Variants in EXOSC9 observed in about 807,000 individuals in gnomAD.
EXOSC9 encodes exosome component 9.
A neutral mutation model predicts 56.5 loss-of-function variants in EXOSC9; 38 were observed. That is an observed-to-expected ratio of 0.67 (90% CI 0.52 to 0.88). The LOEUF is 0.88. Among genes scored for constraint, EXOSC9 ranks in the 40% least tolerant of loss-of-function variants. The pLI is 0.00. For missense variants in EXOSC9, 559 were observed against 530.5 expected (o/e 1.05, Z -0.53); for synonymous variants, 170 against 170.8 (o/e 0.99, Z 0.04).
At chr4:121,812,439 T>C (rs1727238891) in intron 8 of EXOSC9, among the ~76,000 whole-genome samples, 1 of 152,232 alleles carries the variant, frequency 6.6e-6, no homozygotes, top group African/African-American at 2.4e-5. Flanking sequence ...GGACTTGTTA[T>C]ATTTTCTGCA....
At position 121,811,567 on chromosome 4, in the gene EXOSC9, TC is replaced by T; in HGVS notation, c.739-15del. On this transcript the variant is annotated splice_polypyrimidine_tract_variant and intron_variant, in intron 7 of 11. Coordinates refer to ENST00000243498, the MANE Select transcript of EXOSC9 (RefSeq NM_005033.3). ...GTTTATTGTCTTTAAACAACAGAAT[TC>T]ACTTTTATAAATAGGTTCTGAGATG... is the stretch of plus-strand genomic sequence containing the variant. The T allele has an allele frequency of 6.8e-7, 1 of 1,465,192 alleles. No individual in the cohort carries two copies. Among genetic ancestry groups the T allele is most frequent in the Non-Finnish European group, 9.3e-7 (1 of 1,072,056 alleles). 90.8% of individuals were successfully genotyped at this position (1,465,192 alleles called of 1,614,324 possible). A position where few individuals can be genotyped will look rare whatever the true frequency, so the allele number is the denominator to read the frequency against.
intron 11 of EXOSC9, 88 bp from the exon 12 acceptor site, chr4:121,816,684 C>A: frequency 7.6e-7 from 1 of 1,322,876 alleles, no homozygotes; most frequent in Admixed American, 3.1e-5. Context: ...CATTTTAGAT[C>A]CTACTGGAAA....
intron 6 of EXOSC9, 111 bp downstream of exon 6, chr4:121,807,733 C>T: frequency 1.4e-6 from 1 of 692,712 alleles, no homozygotes. Flanking sequence ...AATAGTAAAG[C>T]ACCTTGTATT....
At chr4:121,810,650 C>T (rs1172954574) in intron 7 of EXOSC9, among the ~76,000 whole-genome samples, 1 of 151,986 alleles carries the variant, frequency 6.6e-6, no homozygotes, top group Non-Finnish European at 1.5e-5. Flanking sequence ...CCATTGTTCT[C>T]CAGTCTGGGC....
At chr4:121,808,555 T>C (rs1249740017) in intron 6 of EXOSC9, among the ~76,000 whole-genome samples, 1 of 151,862 alleles carries the variant, frequency 6.6e-6, no homozygotes, top group Non-Finnish European at 1.5e-5. Context: ...AAAAAAGAGG[T>C]TTTGCCATAT....
chr4:121,812,442 T>G (rs1352626821), intron 8 of EXOSC9, among the ~76,000 whole-genome samples: 6 of 152,202 alleles, frequency 3.9e-5, no homozygotes, highest in Non-Finnish European at 8.8e-5. Context: ...CTTGTTATAT[T>G]TTCTGCAATT....
Position 121,804,634 on chromosome 4 carries a change from C to T in EXOSC9, c.397C>T (p.Arg133Cys), listed in dbSNP as rs760945140. Residue 133 changes from arginine (R) to cysteine (C), a missense_variant, in exon 5 of 12, where the codon CGT becomes TGT. Coordinates refer to ENST00000243498, the MANE Select transcript of EXOSC9 (RefSeq NM_005033.3). ...AATTCACTATCAGGTTTGGCAAATACGTGTAGACCTACATTTATTAAATCA... is the reference window on the plus strand; with the variant it reads ...AATTCACTATCAGGTTTGGCAAATATGTGTAGACCTACATTTATTAAATCA... ...VVAGEKVWQIRVDLHLLNHDG... is the reference protein window; with the variant it reads ...VVAGEKVWQICVDLHLLNHDG... The T allele has an allele frequency of 2.8e-5, 44 of 1,590,006 alleles. No homozygotes were observed. The highest frequency in any genetic ancestry group is 8.4e-5 in the Admixed American group (5 of 59,392).
At position 121,816,391 on chromosome 4, in the gene EXOSC9, T is replaced by C. The variant is rs1480761173; in HGVS notation, c.1179T>C (p.Asp393=). ...AAGATGCTCCCATAATACTCTCAGA[T>C]AGTGAAGAAGAAGAAATGATCATTT... The part of the protein sequence containing the change: ...GSQDAPIILS[D]SEEEEMIILE... Residue 393 remains aspartate, a synonymous_variant, in exon 11 of 12, where the codon GAT becomes GAC. Transcript: ENST00000243498. The C allele has an allele frequency of 1.3e-6, 2 of 1,561,816 alleles. No homozygotes were observed. The highest frequency in any genetic ancestry group is 2.4e-5 in the South Asian group (2 of 83,796).
At chr4:121,813,204 C>G in intron 8 of EXOSC9, 30 bp from the exon 9 acceptor site, 1 of 1,586,964 alleles carries the variant, frequency 6.3e-7, no homozygotes, top group Non-Finnish European at 8.6e-7. Flanking sequence ...CCTCCCCCTT[C>G]CTTCCCACCA....
intron 10 of EXOSC9, chr4:121,815,597 T>C (rs913945534): frequency 2.0e-6 from 2 of 985,282 alleles, no homozygotes; most frequent in Admixed American, 1.2e-4. Flanking sequence ...GCCAGTAATA[T>C]TTTTCATGGT....
chr4:121,802,082 T>A (rs975359649), intron 2 of EXOSC9, among the ~76,000 whole-genome samples, 161 bp downstream of exon 2: 11 of 152,258 alleles, frequency 7.2e-5, no homozygotes, highest in African/African-American at 2.7e-4. Context: ...GCTTTTGTGG[T>A]CACACTTGAA....
intron 6 of EXOSC9, chr4:121,807,948 T>G (rs1015473153): frequency 9.9e-5 from 27 of 273,932 alleles, no homozygotes; most frequent in Non-Finnish European, 1.6e-4. Flanking sequence ...AGGCTCTAAT[T>G]TGGGACAGTG....
At chr4:121,810,181 T>C (rs544959499) in intron 7 of EXOSC9, 82 bp downstream of exon 7, 15 of 1,187,826 alleles carry the variant, frequency 1.3e-5, no homozygotes, top group Non-Finnish European at 1.9e-5. Context: ...AAAAATCCAA[T>C]GGGGATACTT....
intron 7 of EXOSC9, 92 bp downstream of exon 7, chr4:121,810,191 TC>T: frequency 2.8e-6 from 3 of 1,088,296 alleles, no homozygotes; most frequent in Non-Finnish European, 4.2e-6. Context: ...TGGGGATACT[TC>T]CAGTGATTTA....
In EXOSC9 at chr4:121,816,672, C is replaced by G. The variant is rs1430291205; in HGVS notation, c.1236-100C>G. ...GGATGCCAGTCTTACTCATAGCTGA[C>G]ACATTTTAGATCCTACTGGAAAACT... On this transcript the variant is annotated intron_variant, in intron 11 of 11. Transcript: ENST00000243498. The G allele has an allele frequency of 4.1e-6, 5 of 1,217,250 alleles. No homozygotes were observed. The East Asian group carries it at 7.9e-5, about 19-fold the overall frequency. The allele number at this position is 1,217,250 out of a possible 1,614,324, so 75.4% of individuals were successfully genotyped here. A position where few individuals can be genotyped will look rare whatever the true frequency, so the allele number is the denominator to read the frequency against.
chr4:121,815,627 A>T, intron 10 of EXOSC9: 1 of 985,438 alleles, frequency 1.0e-6, no homozygotes, highest in Non-Finnish European at 1.2e-6. Flanking sequence ...CAGTAATACA[A>T]ATAAAATCCA....
chr4:121,812,530 A>G (rs1054406311), intron 8 of EXOSC9, among the ~76,000 whole-genome samples: 1 of 152,178 alleles, frequency 6.6e-6, no homozygotes, highest in Non-Finnish European at 1.5e-5. Context: ...TCACTCTGTC[A>G]CCTAGGCTAT....
At position 121,816,372 on chromosome 4, in the gene EXOSC9, C is replaced by T. The variant is rs200078687; in HGVS notation, c.1160C>T (p.Ala387Val). 13 of 1,462,706 alleles carry T rather than the reference C, an allele frequency of 8.9e-6. No individual in the cohort carries two copies. Among genetic ancestry groups the T allele is most frequent in the Non-Finnish European group, 1.1e-5 (12 of 1,086,914 alleles). 90.6% of individuals were successfully genotyped at this position (1,462,706 alleles called of 1,614,324 possible). A position where few individuals can be genotyped will look rare whatever the true frequency, so the allele number is the denominator to read the frequency against. ...VEVSDIGSQD[A>V]PIILSDSEEE... ...TTAAATTAATAAAAAAACAAAGATG[C>T]TCCCATAATACTCTCAGATAGTGAA... The change falls in exon 11 of 12, where the codon GCT becomes GTT. Residue 387 changes from alanine to valine, a missense_variant. Coordinates refer to ENST00000243498, the MANE Select transcript of EXOSC9 (RefSeq NM_005033.3).
chr4:121,803,745 G>C (rs1726939897), intron 4 of EXOSC9, among the ~76,000 whole-genome samples: 1 of 152,082 alleles, frequency 6.6e-6, no homozygotes, highest in Non-Finnish European at 1.5e-5. Flanking sequence ...TCACCAGCAG[G>C]CTAGTCTTGA....
Sources: gnomAD v4.1 joint callset for allele counts (sites outside exome capture counted in the v4.1 genomes callset) on GRCh38, gnomAD v4.1.1 for gene constraint, MANE v1.5 for transcripts, NCBI Gene and HGNC (gene_info 2026-07-23, HGNC 2026-07-21) for gene names.